UNC5D: variants seen among roughly 807,000 people sequenced by gnomAD.
UNC5D encodes netrin receptor UNC5D.
Under a neutral mutation model 105.4 loss-of-function variants are expected in UNC5D, and 39 were observed. That is an observed-to-expected ratio of 0.37 (90% CI 0.29 to 0.48). UNC5D has a LOEUF of 0.48. Ranked by LOEUF, UNC5D falls within the 20% of genes least tolerant of loss-of-function variation. The probability of loss-of-function intolerance (pLI) is 0.98; values close to 1 mark genes in which losing one functional copy is unlikely to be tolerated. For synonymous variants in UNC5D, 452 were observed against 450.4 expected, an observed-to-expected ratio of 1.00 and a Z score of -0.04; for missense variants, 991 against 1,202.4, an observed-to-expected ratio of 0.82 and a Z score of 2.60.
intron 1 of UNC5D, among the ~76,000 whole-genome samples, chr8:35,245,751 G>C (rs1426950250): frequency 6.6e-6 from 1 of 152,100 alleles, no homozygotes; most frequent in East Asian, 1.9e-4. Flanking sequence ...GACCATTGTA[G>C]AGTCAATTAT....
At chr8:35,331,327 G>T (rs1233507469) in intron 1 of UNC5D, among the ~76,000 whole-genome samples, 1 of 152,124 alleles carries the variant, frequency 6.6e-6, no homozygotes, top group Non-Finnish European at 1.5e-5. Context: ...AGACCCCTGA[G>T]CACTGATGTC....
intron 4 of UNC5D, among the ~76,000 whole-genome samples, chr8:35,605,127 T>A (rs566267435): frequency 1.2e-4 from 19 of 152,312 alleles, no homozygotes; most frequent in Admixed American, 1.0e-3. Context: ...GCTCTGCTTT[T>A]TAGAGTTTCC....
At chr8:35,448,430 A>G (rs1369963764) in intron 1 of UNC5D, among the ~76,000 whole-genome samples, 1 of 152,048 alleles carries the variant, frequency 6.6e-6, no homozygotes, top group Non-Finnish European at 1.5e-5. Flanking sequence ...ATTAATTTCC[A>G]GTATAGACAT....
Position 35,608,970 on chromosome 8 carries a change from A to AG in UNC5D, c.570+13313_570+13314insG, listed in dbSNP as rs1563587366. On this transcript the variant is annotated intron_variant, in intron 4 of 16. Coordinates refer to ENST00000404895, the MANE Select transcript of UNC5D (RefSeq NM_080872.4). ...ATGGTAATTCTGTTTTTATTTCTTC[A>AG]AGAAATATCCAAACTATTTTTCATA... 5.9e-5 allele frequency among the ~76,000 whole-genome samples: 9 copies of AG among 152,148 alleles called. No individual in the cohort carries two copies. In the South Asian group the frequency reaches 1.9e-3, roughly 32 times the overall value.
chr8:35,711,578 G>C (rs1827968862), intron 8 of UNC5D, among the ~76,000 whole-genome samples: 1 of 152,090 alleles, frequency 6.6e-6, no homozygotes, highest in Non-Finnish European at 1.5e-5. Flanking sequence ...TTGAATGCCT[G>C]GTGCTCATGT....
At chr8:35,658,367 T>A (rs894323118) in intron 4 of UNC5D, among the ~76,000 whole-genome samples, 1 of 152,174 alleles carries the variant, frequency 6.6e-6, no homozygotes, top group Non-Finnish European at 1.5e-5. Context: ...GGGATTAATA[T>A]TATGGTATTG....
chr8:35,734,788 T>C (rs1829379579), intron 11 of UNC5D, among the ~76,000 whole-genome samples: 1 of 150,056 alleles, frequency 6.7e-6, no homozygotes, highest in Non-Finnish European at 1.5e-5. Context: ...TTAAATTTTT[T>C]TTTTTTTTTT....
intron 4 of UNC5D, among the ~76,000 whole-genome samples, chr8:35,637,222 T>C (rs2131109472): frequency 6.6e-6 from 1 of 152,318 alleles, no homozygotes; most frequent in Admixed American, 6.5e-5. Context: ...TTTTGTCTTA[T>C]TTTTCTGCTT....
Position 35,790,875 on chromosome 8 carries a change from T to G in UNC5D, c.*312T>G. ...TGTGGGAAAAGATGAGCTATGATAA[T>G]GCTGGGAAGGCAGAGATTGATTAAG... On this transcript the variant is annotated 3_prime_UTR_variant, in exon 17 of 17. Coordinates refer to ENST00000404895, the MANE Select transcript of UNC5D (RefSeq NM_080872.4). 2.6e-6 allele frequency: 1 copy of G among 388,124 alleles called. No homozygotes were observed. The allele number at this position is 388,124 out of a possible 1,614,324, so 24.0% of individuals were successfully genotyped here. A position where few individuals can be genotyped will look rare whatever the true frequency, so the allele number is the denominator to read the frequency against.
chr8:35,306,381 G>T (rs948709296), intron 1 of UNC5D, among the ~76,000 whole-genome samples: 9 of 151,942 alleles, frequency 5.9e-5, no homozygotes, highest in Non-Finnish European at 1.3e-4. Context: ...AAGCATAATT[G>T]TAGTCATTTT....
chr8:35,463,560 C>A (rs909590040), intron 1 of UNC5D, among the ~76,000 whole-genome samples: 12 of 151,466 alleles, frequency 7.9e-5, no homozygotes, highest in African/African-American at 2.9e-4. Context: ...TGAATTAAAT[C>A]CACTAGAATG....
At chr8:35,645,918 T>TACAC (rs148598526) in intron 4 of UNC5D, among the ~76,000 whole-genome samples, 379 of 150,340 alleles carry the variant, frequency 2.5e-3, no homozygotes, top group African/African-American at 8.4e-3. Context: ...TCCTTTAGAT[T>TACAC]ACACACACAC....
intron 11 of UNC5D, 38 bp from the exon 12 acceptor site, chr8:35,748,489 A>G (rs1407869401): frequency 1.3e-6 from 2 of 1,597,382 alleles, no homozygotes; most frequent in Admixed American, 1.7e-5. Flanking sequence ...CCCCTCCTCT[A>G]CATACTTCTC....
chr8:35,245,143 T>G (rs1030530877), intron 1 of UNC5D, among the ~76,000 whole-genome samples: 1 of 152,214 alleles, frequency 6.6e-6, no homozygotes, highest in African/African-American at 2.4e-5. Flanking sequence ...ATGTGCTTTA[T>G]TTTTACTTTC....
intron 4 of UNC5D, among the ~76,000 whole-genome samples, chr8:35,652,545 A>G (rs1823481446): frequency 6.6e-6 from 1 of 152,178 alleles, no homozygotes; most frequent in Non-Finnish European, 1.5e-5. Context: ...ACAGATGAGT[A>G]AAGCATAGCA....
chr8:35,300,328 G>C (rs1807843626), intron 1 of UNC5D, among the ~76,000 whole-genome samples: 1 of 151,544 alleles, frequency 6.6e-6, no homozygotes, highest in Non-Finnish European at 1.5e-5. Flanking sequence ...CGTGCCTGTA[G>C]TTCCAGCTAC....
chr8:35,686,765 T>G, intron 7 of UNC5D, 56 bp downstream of exon 7: 1 of 1,503,476 alleles, frequency 6.7e-7, no homozygotes, highest in South Asian at 1.3e-5. Context: ...TTTATGCATC[T>G]CAAGAAAGTA....
chr8:35,710,425 A>T (rs1189668534), intron 8 of UNC5D, among the ~76,000 whole-genome samples: 1 of 152,198 alleles, frequency 6.6e-6, no homozygotes, highest in African/African-American at 2.4e-5. Flanking sequence ...AGGGAGAATC[A>T]GGAGTTCAGT....
At chr8:35,569,376 A>G (rs1428382398) in intron 3 of UNC5D, among the ~76,000 whole-genome samples, 1 of 152,192 alleles carries the variant, frequency 6.6e-6, no homozygotes, top group Non-Finnish European at 1.5e-5. Context: ...GAGTGTCATG[A>G]AGAATACAGG....
Sources: allele counts gnomAD v4.1 joint callset (sites outside exome capture counted in the v4.1 genomes callset), GRCh38; gene constraint gnomAD v4.1.1; transcripts MANE v1.5; gene names NCBI Gene and HGNC (gene_info 2026-07-23, HGNC 2026-07-21).